The following PDHB variants were observed in gnomAD, a reference collection of about 807,000 sequenced individuals.
The protein encoded by PDHB is pyruvate dehydrogenase E1 component subunit beta, mitochondrial.
Under a neutral mutation model 42.8 loss-of-function variants are expected in PDHB, and 17 were observed. That is an observed-to-expected ratio of 0.40 (90% confidence interval 0.27 to 0.60). The LOEUF is 0.60. Ranked by LOEUF, PDHB falls within the 20% of genes least tolerant of loss-of-function variation. The pLI, the probability that PDHB is intolerant of heterozygous loss-of-function variation, is 0.46. For missense variants in PDHB, 322 were observed against 451.3 expected, an observed-to-expected ratio of 0.71 and a Z score of 2.60; for synonymous variants, 154 against 148.7, an observed-to-expected ratio of 1.04 and a Z score of -0.26.
In PDHB at chr3:58,433,638, G is replaced by A. The variant is rs2062943597; in HGVS notation, c.89C>T (p.Ala30Val). 1.9e-6 allele frequency: 3 copies of A among 1,610,924 alleles called. No homozygotes were observed. Residue 30 changes from alanine (A) to valine (V), a missense_variant, in exon 2 of 10, where the codon GCG becomes GTG. Physicochemically the swap from Ala to Val is moderately conservative, Grantham distance 64. This residue lies in a region of PDHB where 58 missense variants were observed against 42.1 expected (regional missense o/e 1.38). Coordinates refer to ENST00000302746, the MANE Select transcript of PDHB (RefSeq NM_000925.4). ...AGCACCCGCGCCTGTTACCTGCAGC[G>A]CAGCCGGCGCGGTCCAGTGAAAGCG... Reference protein sequence around the residue: ...KRRFHWTAPAALQVTVRDAIN... With the variant: ...KRRFHWTAPAVLQVTVRDAIN...
Position 58,430,926 on chromosome 3 carries a change from AT to A in PDHB, c.319del (p.Ile107PhefsTer5). 6.2e-7 allele frequency: 1 copy of A among 1,614,200 alleles called. No homozygotes were observed. Among genetic ancestry groups the A allele is most frequent in the Non-Finnish European group, 8.5e-7 (1 of 1,180,052 alleles). Reference protein sequence around the residue: ...VGAAMAGLRPICEFMTFNFSM... With the variant: ...VGAAMAGLRPXCEFMTFNFSM... ...GAAATTGAAGGTCATAAATTCACAA[AT>A]GGGCCGCAACCCAGCCTGTAAAATC... On this transcript the variant is annotated frameshift_variant, in exon 6 of 10. Coordinates refer to ENST00000302746, the MANE Select transcript of PDHB (RefSeq NM_000925.4). LOFTEE classifies it high-confidence loss of function.
At chr3:58,429,854 C>T (rs1188088603) in intron 7 of PDHB, 55 bp from the exon 8 acceptor site, 1 of 1,018,246 alleles carries the variant, frequency 9.8e-7, no homozygotes, top group African/African-American at 1.6e-5. Context: ...AGATGCTACA[C>T]CACTGTGCCG....
intron 2 of PDHB, chr3:58,432,310 C>A: frequency 2.6e-6 from 1 of 379,042 alleles, no homozygotes; most frequent in Non-Finnish European, 5.0e-6. Flanking sequence ...TACAATCCAT[C>A]AATTCCACTT....
At position 58,430,071 on chromosome 3, in the gene PDHB, T is replaced by G. The variant is rs972521598; in HGVS notation, c.700+57A>C. On this transcript the variant is annotated intron_variant, in intron 7 of 9. Transcript: ENST00000302746. ...ATGACAGTAACTTCTAGATTAAATT[T>G]TACCAAAATTGAGGGGCTGGATTAA... The G allele has an allele frequency of 1.3e-4, 136 of 1,087,270 alleles. 1 individual carries two copies. Among genetic ancestry groups the G allele is most frequent in the Non-Finnish European group, 1.9e-4 (132 of 706,836 alleles). The allele number at this position is 1,087,270 out of a possible 1,614,324, so 67.4% of individuals were successfully genotyped here.
At position 58,433,811 on chromosome 3, in the gene PDHB, T is replaced by G. The variant is rs1189942575; in HGVS notation, c.-2A>C. 1.2e-6 allele frequency: 2 copies of G among 1,610,768 alleles called. No homozygotes were observed. The highest frequency in any genetic ancestry group is 1.7e-5 in the Admixed American group (1 of 59,790). On this transcript the variant is annotated 5_prime_UTR_variant, in exon 1 of 10. Coordinates refer to ENST00000302746, the MANE Select transcript of PDHB (RefSeq NM_000925.4). Reference sequence around the variant, plus strand: ...CACCAAGCCAGACACCGCCGCCATCTTGGTCGTGTCCTCTATCCGCTGCCA... The same window carrying G: ...CACCAAGCCAGACACCGCCGCCATCGTGGTCGTGTCCTCTATCCGCTGCCA...
At position 58,431,304 on chromosome 3, in the gene PDHB, T is replaced by C. The variant is rs559701372; in HGVS notation, c.303+289A>G. ...TGGCTCACGCCTGTAATCCCAGCACTTTGGGAGGCCAAGGCGGTCGGATCA... is the reference window on the plus strand; with the variant it reads ...TGGCTCACGCCTGTAATCCCAGCACCTTGGGAGGCCAAGGCGGTCGGATCA... On this transcript the variant is annotated intron_variant, in intron 5 of 9. Transcript: ENST00000302746. The surrounding 1 kb of genome is among the most constrained non-coding windows in gnomAD (Gnocchi z 4.4). The C allele has an allele frequency of 7.6e-4, 357 of 468,834 alleles. No homozygotes were observed. The highest frequency in any genetic ancestry group is 1.1e-3 in the Non-Finnish European group (296 of 257,912). The allele number at this position is 468,834 out of a possible 1,614,324, so 29.0% of individuals were successfully genotyped here.
chr3:58,432,052 A>G (rs2062925192), intron 2 of PDHB, 68 bp from the exon 3 acceptor site: 3 of 1,061,518 alleles, frequency 2.8e-6, no homozygotes, highest in East Asian at 4.7e-5. Flanking sequence ...TTCTTCCTTT[A>G]TATTTACCTA....
At position 58,430,852 on chromosome 3, in the gene PDHB, A is replaced by G. The variant is rs954019903; in HGVS notation, c.394T>C (p.Tyr132His). ...QVINSAAKTY[Y>H]MSGGLQPVPI... is the part of the protein sequence containing the mutation. The stretch of plus-strand genomic sequence containing the variant: ...ACAGGCTGAAGGCCACCAGACATGT[A>G]GTAGGTCTTGGCAGCTGAGTTTATA... Residue 132 changes from tyrosine (Y) to histidine (H), a missense_variant, in exon 6 of 10, where the codon TAC (tyrosine) becomes CAC (histidine). By Grantham distance (83) the Tyr-to-His change is moderately conservative. This residue lies in a region of PDHB where 208 missense variants were observed against 285.0 expected (regional missense o/e 0.73). Transcript: ENST00000302746. The G allele has an allele frequency of 2.5e-6, 4 of 1,614,072 alleles. No individual in the cohort carries two copies. The highest frequency in any genetic ancestry group is 3.4e-6 in the Non-Finnish European group (4 of 1,179,874).
chr3:58,433,795 A>G lies in PDHB; in HGVS notation c.15T>C (p.Ser5=), dbSNP rs775907917. MAAV[S]GLVRRPLREV... ...CCCGAAGGGGTCTCCGCACCAAGCC[A>G]GACACCGCCGCCATCTTGGTCGTGT... is the stretch of plus-strand genomic sequence containing the variant. Residue 5 remains serine (S), a synonymous_variant, in exon 1 of 10, where the codon TCT becomes TCC. Transcript: ENST00000302746. 16 of 1,611,716 alleles carry G rather than the reference A, an allele frequency of 9.9e-6. No homozygotes were observed. The highest frequency in any genetic ancestry group is 2.2e-5 in the East Asian group (1 of 44,816).
Position 58,430,213 on chromosome 3 carries a change from C to T in PDHB, c.615G>A (p.Met205Ile). 6.2e-7 allele frequency: 1 copy of T among 1,609,238 alleles called. No homozygotes were observed. The highest frequency in any genetic ancestry group is 8.5e-7 in the Non-Finnish European group (1 of 1,176,198). ...NPVVVLENEL[M>I]YGVPFEFPPE... The stretch of plus-strand genomic sequence containing the variant: ...GAGGAAATTCAAAAGGAACCCCATA[C>T]ATCAATTCATTCTCTAGCACCACCA... Residue 205 changes from methionine to isoleucine, a missense_variant, in exon 7 of 10, where the codon ATG becomes ATA. Physicochemically the swap from Met to Ile is conservative, Grantham distance 10. This residue lies in a region of PDHB where 208 missense variants were observed against 285.0 expected (regional missense o/e 0.73). Coordinates refer to ENST00000302746, the MANE Select transcript of PDHB (RefSeq NM_000925.4).
chr3:58,433,176 A>C (rs1047401329), intron 2 of PDHB: 1 of 231,844 alleles, frequency 4.3e-6, no homozygotes, highest in Non-Finnish European at 8.6e-6. Context: ...AAAGTACAAC[A>C]GGGGTTACCA....
rs1223526443 is a variant in PDHB at position 58,431,897 on chromosome 3, G to A, written c.184C>T (p.Gln62Ter). ...GTTACCTTGTATGCCCCATCATACTGGGCAACTTCTTCTCCAAGCAGAAAT... is the reference window on the plus strand; with the variant it reads ...GTTACCTTGTATGCCCCATCATACTAGGCAACTTCTTCTCCAAGCAGAAAT... ...KVFLLGEEVA[Q>*]YDGAYKVSRG... The change falls in exon 3 of 10, where the codon CAG becomes TAG. Residue 62 changes from glutamine (Q) to a stop codon, truncating the protein, a stop_gained. Coordinates refer to ENST00000302746, the MANE Select transcript of PDHB (RefSeq NM_000925.4). LOFTEE classifies it high-confidence loss of function. The surrounding 1 kb of genome is among the most constrained non-coding windows in gnomAD (Gnocchi z 4.4). The A allele has an allele frequency of 6.2e-7, 1 of 1,613,030 alleles. No homozygotes were observed. The highest frequency in any genetic ancestry group is 1.7e-5 in the Admixed American group (1 of 60,016).
chr3:58,428,206 G>A (rs2062890100), intron 9 of PDHB, 27 bp from the exon 10 acceptor site: 1 of 1,611,430 alleles, frequency 6.2e-7, no homozygotes, highest in Non-Finnish European at 8.5e-7. Flanking sequence ...TCAACTGAGA[G>A]AGTGCAAATG....
At chr3:58,430,081 T>A (rs1560187488) in intron 7 of PDHB, 47 bp downstream of exon 7, 3 of 1,172,284 alleles carry the variant, frequency 2.6e-6, no homozygotes, top group Non-Finnish European at 3.8e-6. Flanking sequence ...TTACCAAAAT[T>A]GAGGGGCTGG....
Position 58,433,683 on chromosome 3 carries a change from A to G in PDHB, c.44T>C (p.Val15Ala). 6.2e-7 allele frequency: 1 copy of G among 1,612,804 alleles called. No homozygotes were observed. Among genetic ancestry groups the G allele is most frequent in the Non-Finnish European group, 8.5e-7 (1 of 1,179,648 alleles). Residue 15 changes from valine (V) to alanine (A), a missense_variant and splice_region_variant, in exon 2 of 10, where the codon GTC becomes GCC. Physicochemically the swap from Val to Ala is moderately conservative, Grantham distance 64 (BLOSUM62 0). Transcript: ENST00000302746. ...AAAGCGCCTCTTCAGCAGCCCGGAG[A>G]CCTGGCAGGGAGAGAGGAAGATGAC... ...SGLVRRPLRE[V>A]SGLLKRRFHW...
In PDHB at chr3:58,429,785, C is replaced by G. The variant is rs1295648897; in HGVS notation, c.715G>C (p.Val239Leu). ...KIERQGTHITVVSHSRPVGHC... is the reference protein window; with the variant it reads ...KIERQGTHITLVSHSRPVGHC... The stretch of plus-strand genomic sequence containing the variant: ...CCCACAGGTCTTGAATGGGAAACCA[C>G]AGTTATATGTGTTCCTGAAAACAGA... The change falls in exon 8 of 10, where the codon GTG becomes CTG. Residue 239 changes from valine (V) to leucine (L), a missense_variant. Val to Leu is a conservative substitution (Grantham distance 32). Around this residue, in one of 3 missense-constraint regions of PDHB, gnomAD observed 208 missense variants for 285.0 expected, o/e 0.73. Transcript: ENST00000302746. The G allele has an allele frequency of 3.1e-6, 5 of 1,605,054 alleles. No individual in the cohort carries two copies. In the South Asian group the frequency reaches 4.4e-5, roughly 14 times the overall value.
rs2062881593 is a variant in PDHB, at chr3:58,427,782, A to G, written c.*252T>C. ...TACTTTGTCCTTGTGGTGAGAGAGG[A>G]TAAAATGTTATATAATTTGTTATTC... On this transcript the variant is annotated 3_prime_UTR_variant, in exon 10 of 10. Transcript: ENST00000302746. 3.6e-6 allele frequency: 2 copies of G among 548,808 alleles called. No individual in the cohort carries two copies. Among genetic ancestry groups the G allele is most frequent in the Non-Finnish European group, 6.9e-6 (2 of 289,886 alleles). 34.0% of individuals were successfully genotyped at this position (548,808 alleles called of 1,614,324 possible). A position where few individuals can be genotyped will look rare whatever the true frequency, so the allele number is the denominator to read the frequency against.
At position 58,433,800 on chromosome 3, in the gene PDHB, C is replaced by T. The variant is rs201470762; in HGVS notation, c.10G>A (p.Val4Met). 7.4e-5 allele frequency: 119 copies of T among 1,611,542 alleles called. No homozygotes were observed. The highest frequency in any genetic ancestry group is 9.3e-5 in the Non-Finnish European group (110 of 1,179,424). MAAVSGLVRRPLRE... is the reference protein window; with the variant it reads MAAMSGLVRRPLRE... ...AGGGGTCTCCGCACCAAGCCAGACA[C>T]CGCCGCCATCTTGGTCGTGTCCTCT... Residue 4 changes from valine (V) to methionine (M), a missense_variant, in exon 1 of 10, where the codon GTG becomes ATG. Transcript: ENST00000302746.
intron 9 of PDHB, 93 bp from the exon 10 acceptor site, chr3:58,428,272 G>A: frequency 7.6e-7 from 1 of 1,313,096 alleles, no homozygotes; most frequent in Non-Finnish European, 1.1e-6. Flanking sequence ...AAGAGAAAAT[G>A]TAAGGAATGC....
Sources: allele counts gnomAD v4.1 joint callset, GRCh38; gene constraint gnomAD v4.1.1; regional missense constraint gnomAD v4.1.1; non-coding constraint Gnocchi (gnomAD v3.1); transcripts MANE v1.5; gene names NCBI Gene and HGNC (gene_info 2026-07-23, HGNC 2026-07-21).